SRGAP3: variants seen among roughly 807,000 people sequenced by gnomAD.
The protein encoded by SRGAP3 is SLIT-ROBO Rho GTPase activating protein 3, also known as SLIT-ROBO Rho GTPase-activating protein 3.
A neutral mutation model predicts 121.1 loss-of-function variants in SRGAP3; 39 were observed. The observed-to-expected ratio is 0.32, with a 90% confidence interval of 0.25 to 0.42. The LOEUF (loss-of-function observed/expected upper bound fraction) is 0.42. SRGAP3 is among the 10% of genes least tolerant of loss of function. The pLI, the probability that SRGAP3 is intolerant of heterozygous loss-of-function variation, is 1.00. For missense variants in SRGAP3, 1,213 were observed against 1,470.6 expected, an observed-to-expected ratio of 0.82 and a Z score of 2.86; for synonymous variants, 601 against 570.0, an observed-to-expected ratio of 1.05 and a Z score of -0.77.
At chr3:9,310,735 A>G (rs1360226732) in intron 3 of SRGAP3, among the ~76,000 whole-genome samples, 3 of 152,220 alleles carry the variant, frequency 2.0e-5, no homozygotes, top group Admixed American at 1.3e-4. Context: ...CTTTAGGGAC[A>G]TTATTTGAGA....
At chr3:9,229,628 C>T (rs377169355) in intron 1 of SRGAP3, among the ~76,000 whole-genome samples, 1 of 152,178 alleles carries the variant, frequency 6.6e-6, no homozygotes, top group South Asian at 2.1e-4. Context: ...AGCCACTGGA[C>T]AAGGGACAGG....
At chr3:9,120,458 T>C (rs1421979825) in intron 2 of SRGAP3, among the ~76,000 whole-genome samples, 1 of 152,236 alleles carries the variant, frequency 6.6e-6, no homozygotes, top group African/African-American at 2.4e-5. Context: ...TCATTTATCT[T>C]TGTGTCTTCG....
intron 5 of SRGAP3, among the ~76,000 whole-genome samples, chr3:9,062,896 T>C (rs372471359): frequency 3.9e-5 from 6 of 152,336 alleles, no homozygotes; most frequent in East Asian, 3.9e-4. Context: ...GGAATAAAAT[T>C]GTTGAGTCAC....
rs538142575 is a variant in SRGAP3 at position 9,040,417 on chromosome 3, G to A, written c.1409-2327C>T. Among the ~76,000 whole-genome samples the A allele has an allele frequency of 1.2e-3, 176 of 152,190 alleles. 1 individual carries two copies. The Middle Eastern group carries it at 0.017, about 15-fold the overall frequency. The stretch of plus-strand genomic sequence containing the variant: ...GCCTCTGTGTGGTCCTCAAGTAGGC[G>A]TTTGCATTTGCTGCCTGGAATTCTC... On this transcript the variant is annotated intron_variant, in intron 10 of 21. Coordinates refer to ENST00000383836, the MANE Select transcript of SRGAP3 (RefSeq NM_014850.4).
At chr3:9,243,353 C>T (rs191359203) in intron 1 of SRGAP3, among the ~76,000 whole-genome samples, 27 of 151,836 alleles carry the variant, frequency 1.8e-4, no homozygotes, top group African/African-American at 4.8e-4. Flanking sequence ...AGGGATTGGT[C>T]GCCAGGCATG....
rs564638721 is a variant in SRGAP3 at position 9,121,804 on chromosome 3, G to C, written c.260+2921C>G. On this transcript the variant is annotated intron_variant, in intron 2 of 21. Coordinates refer to ENST00000383836, the MANE Select transcript of SRGAP3 (RefSeq NM_014850.4). Reference sequence around the variant, plus strand: ...AATCAAGGGGAAGGAGCGGACAGGAGAGATGCTCCAGCCCTACCACATGGC... The same window carrying C: ...AATCAAGGGGAAGGAGCGGACAGGACAGATGCTCCAGCCCTACCACATGGC... 6.6e-5 allele frequency among the ~76,000 whole-genome samples: 10 copies of C among 152,342 alleles called. No homozygotes were observed. The South Asian group carries it at 2.1e-3, about 32-fold the overall frequency.
At chr3:9,168,850 G>A (rs1479680341) in intron 1 of SRGAP3, among the ~76,000 whole-genome samples, 1 of 152,250 alleles carries the variant, frequency 6.6e-6, no homozygotes, top group South Asian at 2.1e-4. Context: ...ACATGAATAT[G>A]CATATTTATA....
At chr3:9,294,006 C>T (rs1954910770) in intron 3 of SRGAP3, among the ~76,000 whole-genome samples, 2 of 152,204 alleles carry the variant, frequency 1.3e-5, no homozygotes, top group African/African-American at 4.8e-5. Flanking sequence ...GAATATAAAT[C>T]ATTCTCTTAT....
chr3:9,104,868 T>A, intron 2 of SRGAP3, 26 bp from the exon 3 acceptor site: 1 of 1,613,946 alleles, frequency 6.2e-7, no homozygotes. Flanking sequence ...AAGCTCAGGT[T>A]GGCTACATTG....
chr3:8,994,792 T>C (rs1349966591), intron 18 of SRGAP3, among the ~76,000 whole-genome samples: 3 of 152,226 alleles, frequency 2.0e-5, no homozygotes, highest in African/African-American at 7.2e-5. Flanking sequence ...CTTCTTGTTC[T>C]CTACTTTTTA....
At chr3:8,991,980 A>G (rs1198561211) in intron 20 of SRGAP3, among the ~76,000 whole-genome samples, 1 of 152,260 alleles carries the variant, frequency 6.6e-6, no homozygotes, top group Admixed American at 6.5e-5. Flanking sequence ...TCAGGGGACC[A>G]TAACTTCTTT....
intron 1 of SRGAP3, among the ~76,000 whole-genome samples, chr3:9,134,933 A>G (rs934575050): frequency 6.6e-6 from 1 of 152,174 alleles, no homozygotes; most frequent in Non-Finnish European, 1.5e-5. Flanking sequence ...CCTGAGACTC[A>G]GTTTCCTCTG....
chr3:9,268,086 T>G (rs1954399818), intron 3 of SRGAP3, among the ~76,000 whole-genome samples: 1 of 152,106 alleles, frequency 6.6e-6, no homozygotes, highest in Admixed American at 6.5e-5. Context: ...AGAAACTGAA[T>G]CCTGCCACCA....
In SRGAP3 at chr3:9,257,698, C is replaced by CTTTTTTTTTTTTTTTT. The variant is rs386395913; in HGVS notation, n.442+68296_442+68311dup. On this transcript the variant is annotated intron_variant and non_coding_transcript_variant, in intron 3 of 3. Coordinates refer to the SRGAP3 transcript ENST00000490889. Reference sequence around the variant, plus strand: ...ACTCACTCATTAAACAAAATAGCTCCTTTTTTTTTTTTTTTTTTTTTTTTT... The same window carrying CTTTTTTTTTTTTTTTT: ...ACTCACTCATTAAACAAAATAGCTCCTTTTTTTTTTTTTTTTTTTTTTTTTTTTTTTTTTTTTTTTT... Among the ~76,000 whole-genome samples the CTTTTTTTTTTTTTTTT allele has an allele frequency of 2.3e-4, 17 of 73,246 alleles. 5 individuals carry two copies. The highest frequency in any genetic ancestry group is 4.3e-4 in the Non-Finnish European group (17 of 39,860). 48.1% of individuals were successfully genotyped at this position (73,246 alleles called of 152,430 possible).
In SRGAP3 at chr3:9,151,537, G is replaced by A. The variant is rs530754654; in HGVS notation, c.68-26620C>T. ...CTAACGAGATGGGTTGGAAAGGAGA[G>A]AATGAAGCCAAGAGGAGCAATTAAG... On this transcript the variant is annotated intron_variant, in intron 1 of 21. Transcript: ENST00000383836. 4.6e-5 allele frequency among the ~76,000 whole-genome samples: 7 copies of A among 152,308 alleles called. No individual in the cohort carries two copies. In the South Asian group the frequency reaches 1.4e-3, roughly 32 times the overall value.
chr3:9,175,332 G>A (rs1187205611), intron 1 of SRGAP3, among the ~76,000 whole-genome samples: 2 of 152,178 alleles, frequency 1.3e-5, no homozygotes, highest in South Asian at 2.1e-4. Context: ...CCTACTAGAC[G>A]ACGGGTGTCC....
chr3:9,051,495 A>T (rs1240409666), intron 9 of SRGAP3, among the ~76,000 whole-genome samples: 1 of 152,172 alleles, frequency 6.6e-6, no homozygotes, highest in East Asian at 1.9e-4. Context: ...GAATTCATCA[A>T]GAGGAAAACT....
At chr3:8,989,478 G>C (rs1941911931) in intron 21 of SRGAP3, among the ~76,000 whole-genome samples, 1 of 152,198 alleles carries the variant, frequency 6.6e-6, no homozygotes. Context: ...CACAGCTCAT[G>C]ACTCCCTGCC....
At chr3:9,318,399 G>A (rs954167314) in intron 3 of SRGAP3, among the ~76,000 whole-genome samples, 28 of 151,776 alleles carry the variant, frequency 1.8e-4, no homozygotes, top group African/African-American at 3.9e-4. Context: ...GGGGCTGGCT[G>A]TATATCTGCT....
Sources: gnomAD v4.1 joint callset for allele counts (sites outside exome capture counted in the v4.1 genomes callset) on GRCh38, gnomAD v4.1.1 for gene constraint, MANE v1.5 for transcripts, NCBI Gene and HGNC (gene_info 2026-07-23, HGNC 2026-07-21) for gene names.